ZNF32: variants seen among roughly 807,000 people sequenced by gnomAD.
The protein encoded by ZNF32 is zinc finger protein 32.
ZNF32 carries 13 observed loss-of-function variants against 24.4 expected under a neutral mutation model. The ratio of observed to expected loss-of-function variants is 0.53; its 90% CI spans 0.35 to 0.85. ZNF32 has a LOEUF of 0.85. Among genes scored for constraint, ZNF32 ranks in the 40% least tolerant of loss-of-function variants. The pLI is 0.01. For missense variants in ZNF32, 239 were observed against 325.3 expected (o/e 0.73, Z 2.04); for synonymous variants, 115 against 117.4 (o/e 0.98, Z 0.13).
chr10:43,644,134 C>T lies in ZNF32; in HGVS notation c.738G>A (p.Leu246=). 1 of 1,614,222 alleles carries T rather than the reference C, an allele frequency of 6.2e-7. No homozygotes were observed. The highest frequency in any genetic ancestry group is 1.7e-4 in the Middle Eastern group (1 of 6,060). ...TGAAGCTTTTTCCACACTGGCCGCA[C>T]AGATAGGGTGTCTCTCCTGTGTGGA... ...GKIHTGETPY[L]CGQCGKSFTQ... is the part of the protein sequence containing the mutation. Residue 246 remains leucine (L), a synonymous_variant, in exon 3 of 3, where the codon CTG becomes CTA. Coordinates refer to ENST00000374433, the MANE Select transcript of ZNF32 (RefSeq NM_006973.3). This position sits in a 1 kb window ranked among gnomAD's most constrained non-coding sequence, Gnocchi z 5.3.
At chr10:43,645,038 C>A in intron 2 of ZNF32, 1 of 434,456 alleles carries the variant, frequency 2.3e-6, no homozygotes. Context: ...TTCTCCATAG[C>A]AGTGTACTGC....
chr10:43,645,858 C>A, intron 2 of ZNF32: 1 of 1,123,214 alleles, frequency 8.9e-7, no homozygotes. Flanking sequence ...TACTTCAACG[C>A]TACCTCCATA....
rs1338034168 is a variant in ZNF32, at chr10:43,644,125, C to T, written c.747G>A (p.Gln249=). Reference sequence around the variant, plus strand: ...CTCTCTGGGTGAAGCTTTTTCCACACTGGCCGCACAGATAGGGTGTCTCTC... The same window carrying T: ...CTCTCTGGGTGAAGCTTTTTCCACATTGGCCGCACAGATAGGGTGTCTCTC... ...HTGETPYLCG[Q]CGKSFTQRGS... The change falls in exon 3 of 3, where the codon CAG becomes CAA. Residue 249 remains glutamine, a synonymous_variant. Coordinates refer to ENST00000374433, the MANE Select transcript of ZNF32 (RefSeq NM_006973.3). This position sits in a 1 kb window ranked among gnomAD's most constrained non-coding sequence, Gnocchi z 5.3. 10 of 1,614,180 alleles carry T rather than the reference C, an allele frequency of 6.2e-6. No homozygotes were observed. The Admixed American group carries it at 1.0e-4, about 16-fold the overall frequency.
In ZNF32 at chr10:43,646,189, C is replaced by T; in HGVS notation, c.-56G>A. On this transcript the variant is annotated 5_prime_UTR_variant, in exon 2 of 3. Transcript: ENST00000374433. ...CCTCTTCATATGATTCTTCCATGGGCTGTTCCTGAGCACCTGAGGGAGAAA... is the reference window on the plus strand; with the variant it reads ...CCTCTTCATATGATTCTTCCATGGGTTGTTCCTGAGCACCTGAGGGAGAAA... 1 of 1,599,514 alleles carries T rather than the reference C, an allele frequency of 6.3e-7. No homozygotes were observed. Among genetic ancestry groups the T allele is most frequent in the Admixed American group, 1.7e-5 (1 of 59,022 alleles).
chr10:43,648,236 T>TA (rs1217564511), intron 1 of ZNF32, among the ~76,000 whole-genome samples: 1 of 152,116 alleles, frequency 6.6e-6, no homozygotes, highest in East Asian at 1.9e-4. Context: ...CCACCAGACT[T>TA]AAGATCTAAA....
chr10:43,646,334 C>T (rs1839286932), intron 1 of ZNF32, 132 bp from the exon 2 acceptor site: 1 of 603,806 alleles, frequency 1.7e-6, no homozygotes, highest in Non-Finnish European at 2.8e-6. Context: ...ATGTCAGTTA[C>T]TAAAATATCA....
Position 43,644,266 on chromosome 10 carries a change from T to G in ZNF32, c.606A>C (p.Gly202=). Reference sequence around the variant, plus strand: ...GGACTCTGATGTGAACAATTAAGCTTCCTTTCTGACTGAAGGCTTTTCCAC... The same window carrying G: ...GGACTCTGATGTGAACAATTAAGCTGCCTTTCTGACTGAAGGCTTTTCCAC... ...DQCGKAFSQK[G]SLIVHIRVHT... Residue 202 remains glycine, a synonymous_variant, in exon 3 of 3, where the codon GGA becomes GGC. Transcript: ENST00000374433. The surrounding 1 kb of genome is among the most constrained non-coding windows in gnomAD (Gnocchi z 5.3). The G allele has an allele frequency of 6.2e-7, 1 of 1,614,196 alleles. No individual in the cohort carries two copies. The highest frequency in any genetic ancestry group is 1.1e-5 in the South Asian group (1 of 91,082).
At chr10:43,648,781 C>T (rs1215947313) in intron 1 of ZNF32, 21 bp downstream of exon 1, 2 of 151,822 alleles carry the variant, frequency 1.3e-5, no homozygotes, top group Admixed American at 6.6e-5. Context: ...GCGCTCTGAC[C>T]CGGCCAGCGG....
At position 43,644,709 on chromosome 10, in the gene ZNF32, G is replaced by C; in HGVS notation, c.163C>G (p.Leu55Val). ...TTCGAATCTGGGGATTTTTGTTCCA[G>C]CTTCTCTCTTCTGAAAGAATTTTGG... The part of the protein sequence containing the change: ...DIQNSFRREK[L>V]EQKSPDSKTL... The change falls in exon 3 of 3, where the codon CTG becomes GTG. Residue 55 changes from leucine (L) to valine (V), a missense_variant. Leu to Val is a conservative substitution (Grantham distance 32). Transcript: ENST00000374433. The surrounding 1 kb of genome is among the most constrained non-coding windows in gnomAD (Gnocchi z 5.3). 2 of 1,614,142 alleles carry C rather than the reference G, an allele frequency of 1.2e-6. No individual in the cohort carries two copies. The highest frequency in any genetic ancestry group is 4.5e-5 in the East Asian group (2 of 44,880).
Position 43,644,916 on chromosome 10 carries a change from TAG to T in ZNF32, c.71-117_71-116del. The T allele has an allele frequency of 8.5e-7, 1 of 1,174,646 alleles. No homozygotes were observed. Among genetic ancestry groups the T allele is most frequent in the South Asian group, 1.6e-5 (1 of 62,790 alleles). The allele number at this position is 1,174,646 out of a possible 1,614,324, so 72.8% of individuals were successfully genotyped here. The stretch of plus-strand genomic sequence containing the variant: ...GATGTGCCAGGCCTTATTCTTTGCA[TAG>T]ACAATGCAATCCTGAAAACAATGCC... On this transcript the variant is annotated intron_variant, in intron 2 of 2. Transcript: ENST00000374433. This position sits in a 1 kb window ranked among gnomAD's most constrained non-coding sequence, Gnocchi z 5.3.
Position 43,643,940 on chromosome 10 carries a change from TG to T in ZNF32, c.*109del. On this transcript the variant is annotated 3_prime_UTR_variant, in exon 3 of 3. Transcript: ENST00000374433. Reference sequence around the variant, plus strand: ...AAAATCAGTTTGCCCTACCCAATGATGGTCTTTCTGAAAGATTCTCCATTCA... The same window carrying T: ...AAAATCAGTTTGCCCTACCCAATGATGTCTTTCTGAAAGATTCTCCATTCA... The T allele has an allele frequency of 8.0e-7, 1 of 1,247,160 alleles. No individual in the cohort carries two copies. Among genetic ancestry groups the T allele is most frequent in the Non-Finnish European group, 1.1e-6 (1 of 923,660 alleles). The allele number at this position is 1,247,160 out of a possible 1,614,324, so 77.3% of individuals were successfully genotyped here.
intron 2 of ZNF32, among the ~76,000 whole-genome samples, chr10:43,645,207 C>A (rs948416269): frequency 3.9e-5 from 6 of 152,170 alleles, no homozygotes; most frequent in Non-Finnish European, 5.9e-5. Flanking sequence ...AGGTGTGGAT[C>A]CAGGCTATAT....
chr10:43,643,926 G>T lies in ZNF32; in HGVS notation c.*124C>A, dbSNP rs753360447. On this transcript the variant is annotated 3_prime_UTR_variant, in exon 3 of 3. Transcript: ENST00000374433. ...TGGGGGAAAGGAAAAAAATCAGTTT[G>T]CCCTACCCAATGATGGTCTTTCTGA... 9.4e-7 allele frequency: 1 copy of T among 1,065,828 alleles called. No individual in the cohort carries two copies. The highest frequency in any genetic ancestry group is 1.3e-6 in the Non-Finnish European group (1 of 765,556). The allele number at this position is 1,065,828 out of a possible 1,614,324, so 66.0% of individuals were successfully genotyped here. A position where few individuals can be genotyped will look rare whatever the true frequency, so the allele number is the denominator to read the frequency against.
intron 1 of ZNF32, chr10:43,647,508 G>T (rs1332093535): frequency 6.6e-6 from 1 of 152,056 alleles, no homozygotes; most frequent in Non-Finnish European, 1.5e-5. Flanking sequence ...TCAAAATGCT[G>T]GCCTTCTGAT....
At chr10:43,647,809 G>C (rs1160199033) in intron 1 of ZNF32, 1 of 152,184 alleles carries the variant, frequency 6.6e-6, no homozygotes, top group Non-Finnish European at 1.5e-5. Flanking sequence ...CTGTCGCCGG[G>C]GATTCCAGAA....
Position 43,644,028 on chromosome 10 carries a change from G to A in ZNF32, c.*22C>T. 1 of 1,586,896 alleles carries A rather than the reference G, an allele frequency of 6.3e-7. No individual in the cohort carries two copies. Among genetic ancestry groups the A allele is most frequent in the Non-Finnish European group, 8.6e-7 (1 of 1,168,218 alleles). On this transcript the variant is annotated 3_prime_UTR_variant, in exon 3 of 3. Transcript: ENST00000374433. The surrounding 1 kb of genome is among the most constrained non-coding windows in gnomAD (Gnocchi z 5.3). ...ATTTTGTACTCTTAATTCATAAAGA[G>A]AACTTCTCTTCAGGAAAGTGGTCAA...
At chr10:43,646,043 G>A in intron 2 of ZNF32, 21 bp downstream of exon 2, 2 of 1,613,838 alleles carry the variant, frequency 1.2e-6, no homozygotes, top group Non-Finnish European at 1.7e-6. Flanking sequence ...AGCGCATCCA[G>A]CCATCAACTG....
intron 1 of ZNF32, chr10:43,648,553 C>CCCGGGCA (rs1468213504): frequency 6.6e-6 from 1 of 152,128 alleles, no homozygotes; most frequent in Non-Finnish European, 1.5e-5. Flanking sequence ...GGCCCCGGGC[C>CCCGGGCA]CCGGGCACCG....
chr10:43,646,346 T>C, intron 1 of ZNF32, 144 bp from the exon 2 acceptor site: 4 of 566,938 alleles, frequency 7.1e-6, no homozygotes, highest in Non-Finnish European at 6.2e-6. Flanking sequence ...AAAATATCAC[T>C]GCAAAATGGG....
Sources: allele counts gnomAD v4.1 joint callset (sites outside exome capture counted in the v4.1 genomes callset), GRCh38; gene constraint gnomAD v4.1.1; non-coding constraint Gnocchi (gnomAD v3.1); transcripts MANE v1.5; gene names NCBI Gene and HGNC (gene_info 2026-07-23, HGNC 2026-07-21).